MYOF: variants seen among roughly 807,000 people sequenced by gnomAD.
MYOF encodes the protein myoferlin.
A neutral mutation model predicts 284.2 loss-of-function variants in MYOF; 244 were observed. That is an observed-to-expected ratio of 0.86 (90% CI 0.77 to 0.95). The LOEUF (loss-of-function observed/expected upper bound fraction) is 0.95, where lower values mean the gene tolerates loss of function less well. Among genes scored for constraint, MYOF ranks in the 40% least tolerant of loss-of-function variants. The pLI is 0.00. For synonymous variants in MYOF, 904 were observed against 919.7 expected (o/e 0.98, Z 0.31); for missense variants, 2,496 against 2,560.6 (o/e 0.97, Z 0.54).
rs772654380 is a variant in MYOF, at chr10:93,379,897, G to A, written c.1967C>T (p.Ala656Val). Residue 656 changes from alanine (A) to valine (V), a missense_variant, in exon 21 of 54, where the codon GCG (alanine) becomes GTG (valine). Transcript: ENST00000359263. ...TGCCATAGCTAGGAGAGTGTTCACC[G>A]CATCCAGGCGATGACTAATATCCTC... Reference protein sequence around the residue: ...YWEDISHRLDAVNTLLAMAER... With the variant: ...YWEDISHRLDVVNTLLAMAER... 4.2e-5 allele frequency: 67 copies of A among 1,613,880 alleles called. No individual in the cohort carries two copies. Among genetic ancestry groups the A allele is most frequent in the Non-Finnish European group, 5.2e-5 (61 of 1,179,920 alleles).
At chr10:93,405,068 C>T (rs1377032357) in intron 7 of MYOF, among the ~76,000 whole-genome samples, 2 of 152,146 alleles carry the variant, frequency 1.3e-5, no homozygotes, top group Non-Finnish European at 2.9e-5. Flanking sequence ...AAAATAAATA[C>T]CACCTTTCAC....
At chr10:93,463,394 AT>A (rs1554872325) in intron 1 of MYOF, among the ~76,000 whole-genome samples, 40 of 78,934 alleles carry the variant, frequency 5.1e-4, no homozygotes, top group African/African-American at 1.8e-3. Context: ...GTCTCTACAA[AT>A]TTTTTTTTTT....
At chr10:93,410,301 G>A (rs916596629) in intron 5 of MYOF, among the ~76,000 whole-genome samples, 4 of 151,986 alleles carry the variant, frequency 2.6e-5, no homozygotes, top group African/African-American at 4.8e-5. Context: ...TCCTCCTCCT[G>A]GTTTGTCACT....
At chr10:93,313,502 T>C (rs787668) in intron 50 of MYOF, among the ~76,000 whole-genome samples, 91,479 of 152,080 alleles carry the variant, frequency 0.6, 28,539 homozygotes, top group East Asian at 0.9. Flanking sequence ...GACACAATTT[T>C]CACTCAACTC....
At chr10:93,404,303 C>A in intron 7 of MYOF, 84 bp from the exon 8 acceptor site, 2 of 1,426,908 alleles carry the variant, frequency 1.4e-6, no homozygotes, top group Non-Finnish European at 1.9e-6. Context: ...TGGGGGCCCT[C>A]CTAAAAAATG....
At chr10:93,307,965 G>A (rs529466721) in intron 53 of MYOF, among the ~76,000 whole-genome samples, 3 of 151,066 alleles carry the variant, frequency 2.0e-5, no homozygotes, top group East Asian at 4.0e-4. Context: ...TAACTAGACC[G>A]GGTGCAGTGG....
At chr10:93,404,968 A>G (rs1847485843) in intron 7 of MYOF, among the ~76,000 whole-genome samples, 1 of 152,220 alleles carries the variant, frequency 6.6e-6, no homozygotes, top group African/African-American at 2.4e-5. Context: ...GTTAATCCTA[A>G]AAGATTGAAC....
At chr10:93,409,551 C>G in intron 6 of MYOF, 22 bp downstream of exon 6, 1 of 1,606,338 alleles carries the variant, frequency 6.2e-7, no homozygotes, top group East Asian at 2.2e-5. Flanking sequence ...AACAAAGAAG[C>G]AGAACGCCAG....
rs753715773 is a variant in MYOF, at chr10:93,316,753, T to A, written c.5659A>T (p.Ile1887Leu). 7 of 1,614,008 alleles carry A rather than the reference T, an allele frequency of 4.3e-6. No individual in the cohort carries two copies. In the East Asian group the frequency reaches 1.1e-4, roughly 26 times the overall value. The change falls in exon 50 of 54, where the codon ATA becomes TTA. Residue 1887 changes from isoleucine (I) to leucine (L), a missense_variant. Coordinates refer to ENST00000359263, the MANE Select transcript of MYOF (RefSeq NM_013451.4). ...AGAGAAAACTTGTCATTGTCCCATA[T>A]CTGAATGATCAGCCTGGGTGGGATT... ...FRIPPRLIIQ[I>L]WDNDKFSLDD...
chr10:93,417,456 C>G (rs187184323), intron 5 of MYOF, among the ~76,000 whole-genome samples: 13 of 152,164 alleles, frequency 8.5e-5, no homozygotes, highest in Non-Finnish European at 1.6e-4. Context: ...TCCACCCACT[C>G]AGTGCTGAAG....
chr10:93,316,053 A>C lies in MYOF; in HGVS notation c.5698+661T>G, dbSNP rs1842598548. Among the ~76,000 whole-genome samples, 3 of 152,046 alleles carry C rather than the reference A, an allele frequency of 2.0e-5. No individual in the cohort carries two copies. The South Asian group carries it at 6.2e-4, about 32-fold the overall frequency. On this transcript the variant is annotated intron_variant, in intron 50 of 53. Coordinates refer to ENST00000359263, the MANE Select transcript of MYOF (RefSeq NM_013451.4). ...GGTGGAAGGATTTCTCGAACCCAGG[A>C]GGTTGAGGTTGCAGTGAGCTATGAT...
At chr10:93,475,099 A>C (rs1020565490) in intron 1 of MYOF, among the ~76,000 whole-genome samples, 1 of 152,164 alleles carries the variant, frequency 6.6e-6, no homozygotes, top group South Asian at 2.1e-4. Context: ...TGGCCACTGG[A>C]ATTCTCATTT....
At chr10:93,364,154 C>A in intron 26 of MYOF, 79 bp from the exon 27 acceptor site, 1 of 1,178,568 alleles carries the variant, frequency 8.5e-7, no homozygotes, top group Non-Finnish European at 1.2e-6. Context: ...ACTCAGGAAG[C>A]ATCTACACCC....
At chr10:93,459,072 C>T (rs905360173) in intron 1 of MYOF, among the ~76,000 whole-genome samples, 1 of 152,226 alleles carries the variant, frequency 6.6e-6, no homozygotes, top group Non-Finnish European at 1.5e-5. Flanking sequence ...CGTGACGCTC[C>T]TCGTCGGCTT....
At chr10:93,475,130 C>A (rs2057231344) in intron 1 of MYOF, among the ~76,000 whole-genome samples, 2 of 152,312 alleles carry the variant, frequency 1.3e-5, no homozygotes, top group South Asian at 4.1e-4. Flanking sequence ...GGCCCCAGAG[C>A]TCAGGGCCTT....
intron 25 of MYOF, among the ~76,000 whole-genome samples, chr10:93,369,079 T>C (rs1383804162): frequency 6.7e-6 from 1 of 150,108 alleles, no homozygotes; most frequent in Non-Finnish European, 1.5e-5. Context: ...TTTTACAAAT[T>C]ATCTCTATTG....
chr10:93,397,226 A>C (rs1847060159), intron 15 of MYOF, 21 bp downstream of exon 15: 1 of 1,535,828 alleles, frequency 6.5e-7, no homozygotes, highest in Non-Finnish European at 9.0e-7. Context: ...TGAATTAGAC[A>C]CATACGTATT....
At chr10:93,311,615 C>G (rs983828804) in intron 51 of MYOF, among the ~76,000 whole-genome samples, 1 of 151,546 alleles carries the variant, frequency 6.6e-6, no homozygotes, top group Non-Finnish European at 1.5e-5. Flanking sequence ...AGCAACAAAC[C>G]TGCCCACTTT....
At chr10:93,369,558 G>A in intron 25 of MYOF, 87 bp downstream of exon 25, 1 of 1,557,610 alleles carries the variant, frequency 6.4e-7, no homozygotes, top group Non-Finnish European at 8.7e-7. Context: ...GTTGTTTTTG[G>A]TATGTAAATG....
Sources: allele counts gnomAD v4.1 joint callset (sites outside exome capture counted in the v4.1 genomes callset), GRCh38; gene constraint gnomAD v4.1.1; transcripts MANE v1.5; gene names NCBI Gene and HGNC (gene_info 2026-07-23, HGNC 2026-07-21).